The following ATOSA variants were observed in gnomAD, a reference collection of about 807,000 sequenced individuals.
ATOSA encodes atos homolog A.
At chr15:52,651,851 A>C in the ATOSA span, 1 of 1,535,170 alleles carries the variant, frequency 6.5e-7, no homozygotes, top group Non-Finnish European at 8.7e-7. Flanking sequence ...AAGCCGTTAA[A>C]AAACACTTCA....
chr15:52,644,087 CT>C, the ATOSA span, among the ~76,000 whole-genome samples: 469 of 141,342 alleles, frequency 3.3e-3, 1 homozygote, highest in Admixed American at 3.2e-3. Context: ...TTGTGAAAGG[CT>C]TTTTTTTTTT....
chr15:52,651,740 A>C, the ATOSA span: 15 of 883,614 alleles, frequency 1.7e-5, no homozygotes, highest in African/African-American at 2.5e-4. Flanking sequence ...ATGGTTTTCA[A>C]AGTGAGATAA....
At chr15:52,689,370 A>G in the ATOSA span, among the ~76,000 whole-genome samples, 1 of 152,156 alleles carries the variant, frequency 6.6e-6, no homozygotes, top group Non-Finnish European at 1.5e-5. Flanking sequence ...AGGATGTACC[A>G]TGATTCTTGG....
the ATOSA span, among the ~76,000 whole-genome samples, chr15:52,700,977 A>C: frequency 6.6e-6 from 1 of 152,210 alleles, no homozygotes; most frequent in African/African-American, 2.4e-5. Context: ...TTCTGGAGCT[A>C]GACAGGTTGA....
At chr15:52,640,911 AG>A in the ATOSA span, among the ~76,000 whole-genome samples, 1 of 152,334 alleles carries the variant, frequency 6.6e-6, no homozygotes, top group South Asian at 2.1e-4. Context: ...AATTAAAAAA[AG>A]GACTACCATA....
the ATOSA span, among the ~76,000 whole-genome samples, chr15:52,650,689 T>C: frequency 2.4e-3 from 358 of 152,316 alleles, 2 homozygotes; most frequent in African/African-American, 8.1e-3. Flanking sequence ...CCAAACTATA[T>C]AGTTTGTAGA....
At chr15:52,634,334 G>C in the ATOSA span, among the ~76,000 whole-genome samples, 1 of 152,054 alleles carries the variant, frequency 6.6e-6, no homozygotes, top group South Asian at 2.1e-4. Flanking sequence ...GGGAGGCTGA[G>C]ACAGAAGACT....
At chr15:52,693,697 A>C in the ATOSA span, among the ~76,000 whole-genome samples, 1 of 152,218 alleles carries the variant, frequency 6.6e-6, no homozygotes, top group African/African-American at 2.4e-5. Flanking sequence ...TCAATCCATA[A>C]AGTCAATGCA....
chr15:52,613,633 T>G, the ATOSA span: 3 of 1,574,336 alleles, frequency 1.9e-6, no homozygotes, highest in Non-Finnish European at 2.6e-6. Flanking sequence ...ATAAACTAGT[T>G]TATATAAAAG....
the ATOSA span, among the ~76,000 whole-genome samples, chr15:52,680,969 A>G: frequency 6.6e-6 from 1 of 152,248 alleles, no homozygotes; most frequent in Non-Finnish European, 1.5e-5. Flanking sequence ...CAGCTATTGT[A>G]AAAGGCTTAC....
chr15:52,612,945 A>G, the ATOSA span, among the ~76,000 whole-genome samples: 1 of 152,218 alleles, frequency 6.6e-6, no homozygotes, highest in Non-Finnish European at 1.5e-5. Flanking sequence ...TTAACAAAAA[A>G]TATCTTCCCA....
At chr15:52,612,141 C>G in the ATOSA span, among the ~76,000 whole-genome samples, 2 of 152,128 alleles carry the variant, frequency 1.3e-5, no homozygotes, top group South Asian at 4.2e-4. Flanking sequence ...CCCGCCAGCA[C>G]GCCAGACTAA....
chr15:52,625,164 AG>A, the ATOSA span, among the ~76,000 whole-genome samples: 2 of 152,150 alleles, frequency 1.3e-5, no homozygotes, highest in Non-Finnish European at 2.9e-5. Context: ...AAGGAAAATA[AG>A]GTACAAAGAC....
the ATOSA span, chr15:52,587,241 T>C: frequency 5.0e-6 from 8 of 1,607,422 alleles, no homozygotes; most frequent in African/African-American, 1.3e-5. Context: ...AGAAGACAAA[T>C]TGAGTACAAA....
At chr15:52,628,105 A>G in the ATOSA span, among the ~76,000 whole-genome samples, 1 of 152,186 alleles carries the variant, frequency 6.6e-6, no homozygotes, top group African/African-American at 2.4e-5. Flanking sequence ...TTGGAATTTA[A>G]TTCTCTCCAG....
chr15:52,604,468 G>T, the ATOSA span, among the ~76,000 whole-genome samples: 1 of 152,124 alleles, frequency 6.6e-6, no homozygotes, highest in African/African-American at 2.4e-5. Context: ...CAAATTACAC[G>T]GATTTTTAGT....
chr15:52,614,198 T>G, the ATOSA span, among the ~76,000 whole-genome samples: 1 of 152,026 alleles, frequency 6.6e-6, no homozygotes, highest in Non-Finnish European at 1.5e-5. Flanking sequence ...CTCCGCCTCC[T>G]GGGTTCAAGC....
At chr15:52,639,361 A>T in the ATOSA span, among the ~76,000 whole-genome samples, 1 of 152,244 alleles carries the variant, frequency 6.6e-6, no homozygotes, top group African/African-American at 2.4e-5. Context: ...CTTGTTTCTC[A>T]TATAACCTCT....
chr15:52,640,436 G>C, the ATOSA span, among the ~76,000 whole-genome samples: 1 of 151,428 alleles, frequency 6.6e-6, no homozygotes, highest in Non-Finnish European at 1.5e-5. Flanking sequence ...TGTGGTGGTG[G>C]GCACCTGTAA....
Sources: allele counts gnomAD v4.1 joint callset (sites outside exome capture counted in the v4.1 genomes callset), GRCh38; gene constraint gnomAD v4.1.1; transcripts MANE v1.5; gene names NCBI Gene and HGNC (gene_info 2026-07-23, HGNC 2026-07-21).